Variants in RIMS1 observed in about 807,000 individuals in gnomAD.
RIMS1 encodes regulating synaptic membrane exocytosis 1, also known as regulating synaptic membrane exocytosis protein 1.
Under a neutral mutation model 214.1 loss-of-function variants are expected in RIMS1, and 83 were observed. That is an observed-to-expected ratio of 0.39 (90% CI 0.32 to 0.47). RIMS1 has a LOEUF of 0.47. RIMS1 is among the 20% of genes least tolerant of loss of function. The pLI, the probability that RIMS1 is intolerant of heterozygous loss-of-function variation, is 0.99. For missense variants in RIMS1, 2,050 were observed against 2,161.8 expected, an observed-to-expected ratio of 0.95 and a Z score of 1.03; for synonymous variants, 793 against 786.8, an observed-to-expected ratio of 1.01 and a Z score of -0.13.
chr6:72,106,387 C>G (rs993871613), intron 4 of RIMS1, among the ~76,000 whole-genome samples: 3 of 152,118 alleles, frequency 2.0e-5, no homozygotes, highest in African/African-American at 7.2e-5. Flanking sequence ...AATAATATGC[C>G]TTGTGACTCT....
intron 19 of RIMS1, chr6:72,261,066 T>C (rs1457979950): frequency 1.6e-6 from 2 of 1,214,682 alleles, no homozygotes; most frequent in Non-Finnish European, 2.1e-6. Context: ...AAATTCTAAA[T>C]GCTCACTGTG....
intron 4 of RIMS1, among the ~76,000 whole-genome samples, chr6:72,163,350 G>A (rs2045756217): frequency 7.1e-6 from 1 of 140,204 alleles, no homozygotes; most frequent in Non-Finnish European, 1.6e-5. Flanking sequence ...TTAGTTCAGA[G>A]TAGTTTGATC....
At chr6:71,925,826 G>C (rs1472799027) in intron 1 of RIMS1, among the ~76,000 whole-genome samples, 1 of 152,106 alleles carries the variant, frequency 6.6e-6, no homozygotes, top group East Asian at 1.9e-4. Context: ...TTATGTCTTT[G>C]GACAACCATG....
intron 29 of RIMS1, among the ~76,000 whole-genome samples, chr6:72,371,091 A>G (rs2098201785): frequency 6.6e-6 from 1 of 152,196 alleles, no homozygotes; most frequent in Admixed American, 6.5e-5. Flanking sequence ...AAGCATTTAT[A>G]ACAATGAAAG....
intron 2 of RIMS1, among the ~76,000 whole-genome samples, chr6:72,072,027 A>G (rs12528112): frequency 0.13 from 19,185 of 152,226 alleles, 1,419 homozygotes; most frequent in South Asian, 0.18. Flanking sequence ...TATAAAAAAT[A>G]TACTAATTAT....
At chr6:71,933,497 A>G (rs149531132) in intron 1 of RIMS1, among the ~76,000 whole-genome samples, 2 of 152,252 alleles carry the variant, frequency 1.3e-5, no homozygotes, top group Non-Finnish European at 2.9e-5. Flanking sequence ...ATGGAGAAAT[A>G]TGCATCTATG....
chr6:72,288,823 C>G (rs182185276), intron 24 of RIMS1, among the ~76,000 whole-genome samples: 9 of 152,236 alleles, frequency 5.9e-5, no homozygotes, highest in Non-Finnish European at 1.2e-4. Context: ...TGATCTCATG[C>G]TTGTTACAGA....
At chr6:72,034,603 C>A (rs917826509) in intron 2 of RIMS1, among the ~76,000 whole-genome samples, 1 of 151,818 alleles carries the variant, frequency 6.6e-6, no homozygotes, top group African/African-American at 2.4e-5. Flanking sequence ...TCCTCATTAT[C>A]TGAGCTATTA....
intron 19 of RIMS1, chr6:72,263,838 CACA>C: frequency 1.6e-5 from 5 of 313,504 alleles, no homozygotes; most frequent in African/African-American, 2.7e-5. Context: ...CACACACACA[CACA>C]AATTAGGTGG....
At chr6:72,175,489 A>G (rs896884558) in intron 4 of RIMS1, 12 of 210,790 alleles carry the variant, frequency 5.7e-5, no homozygotes, top group Non-Finnish European at 2.0e-5. Context: ...CCTGCCCAAC[A>G]TGGTGAAACA....
At position 72,179,626 on chromosome 6, in the gene RIMS1, T is replaced by A; in HGVS notation, c.523T>A (p.Ser175Thr). The A allele has an allele frequency of 6.2e-7, 1 of 1,613,906 alleles. No homozygotes were observed. Among genetic ancestry groups the A allele is most frequent in the Non-Finnish European group, 8.5e-7 (1 of 1,179,850 alleles). ...AAAGCAACAAGAAATCTTAACCAAA[T>A]CTGGGGCATGGTTCTTTGGAAGTGG... ...CRKQQEILTKSGAWFFGSGPQ... is the reference protein window; with the variant it reads ...CRKQQEILTKTGAWFFGSGPQ... Residue 175 changes from serine (S) to threonine (T), a missense_variant, in exon 5 of 34, where the codon TCT (serine) becomes ACT (threonine). This residue lies in a region of RIMS1 where 882 missense variants were observed against 828.9 expected (regional missense o/e 1.06). Transcript: ENST00000521978.
At chr6:72,016,008 T>G (rs1404117298) in intron 2 of RIMS1, among the ~76,000 whole-genome samples, 1 of 152,180 alleles carries the variant, frequency 6.6e-6, no homozygotes, top group Non-Finnish European at 1.5e-5. Context: ...TACTGATTAT[T>G]TTATTATGGA....
chr6:71,968,059 C>A (rs533519162), intron 1 of RIMS1, among the ~76,000 whole-genome samples: 2 of 152,168 alleles, frequency 1.3e-5, no homozygotes, highest in Non-Finnish European at 2.9e-5. Flanking sequence ...TATTTGAAGC[C>A]TTCTGGATCC....
chr6:72,238,379 T>G (rs1273915641), intron 9 of RIMS1, among the ~76,000 whole-genome samples: 1 of 152,092 alleles, frequency 6.6e-6, no homozygotes, highest in Non-Finnish European at 1.5e-5. Context: ...GGGCAGTGTT[T>G]TTTATAAAGC....
In RIMS1 at chr6:71,913,240, G is replaced by C. The variant is rs927840795; in HGVS notation, c.164+26053G>C. Among the ~76,000 whole-genome samples, 42 of 151,966 alleles carry C rather than the reference G, an allele frequency of 2.8e-4. 1 individual carries two copies. Among genetic ancestry groups the C allele is most frequent in the South Asian group, 2.1e-4 (1 of 4,818 alleles). On this transcript the variant is annotated intron_variant, in intron 1 of 33. Transcript: ENST00000521978. ...GTATGTTGTAAAATATTTAAATGTG[G>C]GTCTTATTAAAAAAGTTCCAGGGAG...
intron 4 of RIMS1, among the ~76,000 whole-genome samples, chr6:72,123,130 C>A (rs2038771376): frequency 6.6e-6 from 1 of 151,786 alleles, no homozygotes; most frequent in Admixed American, 6.6e-5. Context: ...TTTCCCTCTA[C>A]ACACTGCTTT....
chr6:71,924,004 C>A (rs778927079), intron 1 of RIMS1, among the ~76,000 whole-genome samples: 7 of 152,200 alleles, frequency 4.6e-5, no homozygotes, highest in South Asian at 2.1e-4. Flanking sequence ...CCTGAAAGAT[C>A]TTAGTAAACT....
Position 72,182,898 on chromosome 6 carries a change from T to A in RIMS1, c.1427T>A (p.Leu476Gln). ...GAGCCCCTCAGGAAGCAGAGCCGCC[T>A]GGACCCCAGCTCGGCGGTCCTCATG... is the stretch of plus-strand genomic sequence containing the variant. ...AQEPLRKQSRLDPSSAVLMRK... is the reference protein window; with the variant it reads ...AQEPLRKQSRQDPSSAVLMRK... The change falls in exon 6 of 34, where the codon CTG becomes CAG. Residue 476 changes from leucine to glutamine, a missense_variant. By Grantham distance (113) the Leu-to-Gln change is moderately radical. Transcript: ENST00000521978. 3 of 1,574,244 alleles carry A rather than the reference T, an allele frequency of 1.9e-6. No homozygotes were observed. The highest frequency in any genetic ancestry group is 2.6e-6 in the Non-Finnish European group (3 of 1,161,422).
Position 72,007,552 on chromosome 6 carries a change from T to C in RIMS1, c.245+38489T>C, listed in dbSNP as rs192557458. On this transcript the variant is annotated intron_variant, in intron 2 of 33. Coordinates refer to ENST00000521978, the MANE Select transcript of RIMS1 (RefSeq NM_014989.7). ...AGCTAAAGGAGGAAGTTTGAACCCA[T>C]GGCAAAGAAGTTAAAAACCTTGAAA... 3.0e-3 allele frequency among the ~76,000 whole-genome samples: 464 copies of C among 152,188 alleles called. 2 individuals are homozygous for C. The highest frequency in any genetic ancestry group is 4.6e-3 in the Non-Finnish European group (310 of 68,016).
Sources: gnomAD v4.1 joint callset for allele counts (sites outside exome capture counted in the v4.1 genomes callset) on GRCh38, gnomAD v4.1.1 for gene constraint, gnomAD v4.1.1 regional missense constraint, MANE v1.5 for transcripts, NCBI Gene and HGNC (gene_info 2026-07-23, HGNC 2026-07-21) for gene names.